MAGI3: variants seen among roughly 807,000 people sequenced by gnomAD.
MAGI3 encodes the protein membrane-associated guanylate kinase, WW and PDZ domain-containing protein 3.
Under a neutral mutation model 121.8 loss-of-function variants are expected in MAGI3, and 43 were observed. That is an observed-to-expected ratio of 0.35 (90% CI 0.28 to 0.46). MAGI3 has a LOEUF of 0.46. MAGI3 is among the 20% of genes least tolerant of loss of function. The pLI is 1.00. For synonymous variants in MAGI3, 553 were observed against 639.3 expected, an observed-to-expected ratio of 0.86 and a Z score of 2.04; for missense variants, 1,547 against 1,797.3, an observed-to-expected ratio of 0.86 and a Z score of 2.52.
intron 20 of MAGI3, 135 bp downstream of exon 20, chr1:113,681,471 A>G (rs1648212504): frequency 1.1e-6 from 1 of 918,408 alleles, no homozygotes; most frequent in Admixed American, 3.3e-5. Context: ...ATGAAAAGCT[A>G]GTTACATAGC....
chr1:113,620,589 A>T (rs1417492117), intron 8 of MAGI3, among the ~76,000 whole-genome samples: 4 of 152,204 alleles, frequency 2.6e-5, no homozygotes, highest in Admixed American at 1.3e-4. Flanking sequence ...TTTAGCAAAC[A>T]TTTTGAGTTT....
intron 17 of MAGI3, 142 bp downstream of exon 17, chr1:113,671,978 C>A: frequency 1.4e-6 from 1 of 730,564 alleles, no homozygotes; most frequent in South Asian, 1.8e-5. Flanking sequence ...ACAACTCTTG[C>A]CTGTTCCTCA....
chr1:113,539,550 A>G (rs966244709), intron 1 of MAGI3, among the ~76,000 whole-genome samples: 12 of 151,602 alleles, frequency 7.9e-5, no homozygotes, highest in Admixed American at 2.6e-4. Flanking sequence ...TAATTAATTT[A>G]TTATTATTAT....
chr1:113,448,936 TAG>T (rs1359287473), intron 1 of MAGI3, among the ~76,000 whole-genome samples: 1 of 152,002 alleles, frequency 6.6e-6, no homozygotes, highest in African/African-American at 2.4e-5. Flanking sequence ...CTGACCAACA[TAG>T]AGAAACCCCA....
At chr1:113,682,111 T>C in intron 20 of MAGI3, 1 of 1,140,302 alleles carries the variant, frequency 8.8e-7, no homozygotes, top group African/African-American at 1.7e-5. Flanking sequence ...TCTTCCACCA[T>C]CTGCTTGTAA....
chr1:113,535,299 T>G (rs1208471874), intron 1 of MAGI3, among the ~76,000 whole-genome samples: 1 of 149,248 alleles, frequency 6.7e-6, no homozygotes, highest in East Asian at 1.9e-4. Flanking sequence ...GTTGTTCGCT[T>G]AAAAAAAAAA....
At chr1:113,682,576 T>C (rs1158535201) in intron 20 of MAGI3, 1 of 1,220,890 alleles carries the variant, frequency 8.2e-7, no homozygotes, top group Non-Finnish European at 1.0e-6. Context: ...CGTAATTTGG[T>C]TCAGCTTTAT....
At chr1:113,646,864 G>T (rs1300980518) in intron 12 of MAGI3, among the ~76,000 whole-genome samples, 1 of 151,864 alleles carries the variant, frequency 6.6e-6, no homozygotes, top group Admixed American at 6.6e-5. Flanking sequence ...GCCATACTAG[G>T]TAACCAGAAT....
chr1:113,663,739 A>G lies in MAGI3; in HGVS notation c.2815+4474A>G, dbSNP rs77842782. Among the ~76,000 whole-genome samples, 1,244 of 152,240 alleles carry G rather than the reference A, an allele frequency of 8.2e-3. 100 individuals are homozygous for G. The East Asian group carries it at 0.19, about 23-fold the overall frequency. On this transcript the variant is annotated intron_variant, in intron 16 of 20. Coordinates refer to ENST00000307546, the MANE Select transcript of MAGI3 (RefSeq NM_001142782.2). ...CCTAGGAGTGGAATTGTTGGGTCGC[A>G]TGGTAACTATGTTTAGCTTTTTGAA...
At chr1:113,398,352 TATC>T (rs1179468411) in intron 1 of MAGI3, among the ~76,000 whole-genome samples, 1 of 152,152 alleles carries the variant, frequency 6.6e-6, no homozygotes, top group East Asian at 1.9e-4. Flanking sequence ...TTTTAAAAAA[TATC>T]ATGCAGTGGT....
chr1:113,601,729 C>A (rs1053706173), intron 6 of MAGI3, among the ~76,000 whole-genome samples: 23 of 144,020 alleles, frequency 1.6e-4, no homozygotes, highest in African/African-American at 6.0e-4. Context: ...TGGGTATATA[C>A]CCAAAGGACT....
chr1:113,456,701 G>A (rs971066530), intron 1 of MAGI3, among the ~76,000 whole-genome samples: 4 of 152,110 alleles, frequency 2.6e-5, no homozygotes, highest in Non-Finnish European at 5.9e-5. Context: ...CTTTATAAAA[G>A]TATTTAATGG....
At chr1:113,573,290 T>C (rs1647424915) in intron 2 of MAGI3, among the ~76,000 whole-genome samples, 2 of 152,178 alleles carry the variant, frequency 1.3e-5, no homozygotes, top group Non-Finnish European at 2.9e-5. Context: ...TGACATTAGG[T>C]TGTCTATTTT....
chr1:113,398,785 TA>T (rs1374826642), intron 1 of MAGI3, among the ~76,000 whole-genome samples: 1 of 152,086 alleles, frequency 6.6e-6, no homozygotes, highest in Admixed American at 6.6e-5. Flanking sequence ...TTTCCTCCAA[TA>T]AAATAACTTT....
intron 1 of MAGI3, among the ~76,000 whole-genome samples, chr1:113,520,177 T>G (rs2101625054): frequency 6.6e-6 from 1 of 152,278 alleles, no homozygotes. Context: ...AGATGCTATT[T>G]TTTTTTTTAA....
At chr1:113,552,598 G>T (rs1436208179) in intron 2 of MAGI3, among the ~76,000 whole-genome samples, 1 of 151,982 alleles carries the variant, frequency 6.6e-6, no homozygotes, top group Non-Finnish European at 1.5e-5. Context: ...ACTGCCCTCT[G>T]CCACTTTCAC....
intron 6 of MAGI3, among the ~76,000 whole-genome samples, chr1:113,598,963 T>A (rs1649192361): frequency 6.6e-6 from 1 of 152,168 alleles, no homozygotes; most frequent in Non-Finnish European, 1.5e-5. Context: ...CTCAAAATCT[T>A]TTGTGGGCAT....
intron 1 of MAGI3, among the ~76,000 whole-genome samples, chr1:113,444,983 A>C (rs923569535): frequency 6.6e-6 from 1 of 152,230 alleles, no homozygotes. Context: ...CAGAATTTAA[A>C]GGCATATTTG....
chr1:113,489,032 C>T (rs1295787525), intron 1 of MAGI3, among the ~76,000 whole-genome samples: 1 of 152,198 alleles, frequency 6.6e-6, no homozygotes, highest in Non-Finnish European at 1.5e-5. Context: ...CACCTACTAG[C>T]ACTCTGCCAC....
Sources: allele counts gnomAD v4.1 joint callset (sites outside exome capture counted in the v4.1 genomes callset), GRCh38; gene constraint gnomAD v4.1.1; transcripts MANE v1.5; gene names NCBI Gene and HGNC (gene_info 2026-07-23, HGNC 2026-07-21).